SCN11A: variants seen among roughly 807,000 people sequenced by gnomAD.
SCN11A encodes the protein sodium voltage-gated channel alpha subunit 11, also known as sodium channel protein type 11 subunit alpha.
Under a neutral mutation model 162.2 loss-of-function variants are expected in SCN11A, and 122 were observed. The observed-to-expected ratio is 0.75, with a 90% CI of 0.65 to 0.87. The LOEUF (loss-of-function observed/expected upper bound fraction) is 0.87, where lower values mean the gene tolerates loss of function less well. Among genes scored for constraint, SCN11A ranks in the 40% least tolerant of loss-of-function variants. The pLI, the probability that SCN11A is intolerant of heterozygous loss-of-function variation, is 0.00. For synonymous variants in SCN11A, 758 were observed against 751.5 expected, an observed-to-expected ratio of 1.01 and a Z score of -0.14; for missense variants, 2,015 against 2,181.6, an observed-to-expected ratio of 0.92 and a Z score of 1.52.
At chr3:38,953,327 T>C (rs2066643863) in intron 4 of SCN11A, among the ~76,000 whole-genome samples, 1 of 151,856 alleles carries the variant, frequency 6.6e-6, no homozygotes, top group Non-Finnish European at 1.5e-5. Flanking sequence ...AATACCTGGG[T>C]GACGAAATAA....
At chr3:38,953,969 A>G (rs1482278039) in intron 3 of SCN11A, among the ~76,000 whole-genome samples, 1 of 151,898 alleles carries the variant, frequency 6.6e-6, no homozygotes, top group Non-Finnish European at 1.5e-5. Flanking sequence ...AGAACCAGAC[A>G]CTCTTTCTTC....
chr3:39,045,468 G>A (rs1394006832), intron 1 of SCN11A, among the ~76,000 whole-genome samples: 2 of 152,170 alleles, frequency 1.3e-5, no homozygotes, highest in Non-Finnish European at 2.9e-5. Context: ...TTATTTCAGG[G>A]ATGCAAGGAT....
Position 38,894,955 on chromosome 3 carries a change from G to C in SCN11A, c.2413C>G (p.Leu805Val). 6.2e-7 allele frequency: 1 copy of C among 1,601,720 alleles called. No homozygotes were observed. Among genetic ancestry groups the C allele is most frequent in the Non-Finnish European group, 8.5e-7 (1 of 1,171,674 alleles). ...GAATTGAGCAGTAAGGCAATGAAGAGGTTGAGCACCTGGGAATGGGGTGGG... is the reference window on the plus strand; with the variant it reads ...GAATTGAGCAGTAAGGCAATGAAGACGTTGAGCACCTGGGAATGGGGTGGG... ...TVIGKLVVLN[L>V]FIALLLNSFS... The change falls in exon 19 of 30, where the codon CTC becomes GTC. Residue 805 changes from leucine to valine, a missense_variant. Coordinates refer to ENST00000302328, the MANE Select transcript of SCN11A (RefSeq NM_001349253.2).
chr3:38,958,748 C>T (rs1406373190), intron 3 of SCN11A, among the ~76,000 whole-genome samples: 1 of 152,136 alleles, frequency 6.6e-6, no homozygotes, highest in African/African-American at 2.4e-5. Context: ...ATAACAAGAA[C>T]ATTTTCATAA....
chr3:39,033,881 T>C (rs1185001001), intron 1 of SCN11A, among the ~76,000 whole-genome samples: 1 of 152,082 alleles, frequency 6.6e-6, no homozygotes, highest in Non-Finnish European at 1.5e-5. Flanking sequence ...ATTAAAAGTA[T>C]AGGATGGGCA....
intron 2 of SCN11A, among the ~76,000 whole-genome samples, chr3:39,012,933 C>T (rs553619262): frequency 3.9e-4 from 60 of 152,326 alleles, no homozygotes; most frequent in Non-Finnish European, 6.2e-4. Flanking sequence ...AATGATTATG[C>T]TCATCTTTGA....
At chr3:38,917,728 C>A (rs910882842) in intron 11 of SCN11A, among the ~76,000 whole-genome samples, 2 of 152,154 alleles carry the variant, frequency 1.3e-5, no homozygotes, top group East Asian at 3.9e-4. Flanking sequence ...AGATTTAATA[C>A]CTGGGTGATG....
intron 17 of SCN11A, among the ~76,000 whole-genome samples, chr3:38,899,267 T>C (rs546532578): frequency 6.6e-6 from 1 of 152,306 alleles, no homozygotes; most frequent in Admixed American, 6.5e-5. Flanking sequence ...GTATCACTCC[T>C]GTGCTGCAAC....
chr3:39,001,984 C>G (rs1319273997), intron 2 of SCN11A, among the ~76,000 whole-genome samples: 1 of 152,046 alleles, frequency 6.6e-6, no homozygotes, highest in Non-Finnish European at 1.5e-5. Flanking sequence ...TTGCAGTGAG[C>G]CTAGATGACG....
chr3:38,934,290 T>C (rs911698951), intron 7 of SCN11A, among the ~76,000 whole-genome samples: 21 of 152,300 alleles, frequency 1.4e-4, no homozygotes, highest in Admixed American at 6.5e-4. Flanking sequence ...GTAAAGACCA[T>C]TGAGGCTAGG....
chr3:38,949,272 T>C (rs997228144), intron 5 of SCN11A, among the ~76,000 whole-genome samples: 1 of 152,230 alleles, frequency 6.6e-6, no homozygotes, highest in African/African-American at 2.4e-5. Context: ...AAGGGCCAAG[T>C]GTGCTCACAG....
At chr3:39,046,429 G>C (rs1037072776) in intron 1 of SCN11A, among the ~76,000 whole-genome samples, 2 of 152,112 alleles carry the variant, frequency 1.3e-5, no homozygotes, top group African/African-American at 2.4e-5. Flanking sequence ...TTGTTAAAAT[G>C]ACCAAACTAC....
chr3:39,011,735 A>G (rs1219958162), intron 2 of SCN11A, among the ~76,000 whole-genome samples: 3 of 152,176 alleles, frequency 2.0e-5, no homozygotes, highest in Admixed American at 6.5e-5. Flanking sequence ...AGATTTTCCT[A>G]TATTTCCAAG....
chr3:39,025,659 G>A (rs989030852), intron 2 of SCN11A, among the ~76,000 whole-genome samples: 1 of 152,170 alleles, frequency 6.6e-6, no homozygotes, highest in African/African-American at 2.4e-5. Context: ...GAGCAGTGAG[G>A]ACAACCAGAG....
intron 1 of SCN11A, among the ~76,000 whole-genome samples, chr3:39,047,985 A>C (rs2032226210): frequency 6.7e-6 from 1 of 149,892 alleles, no homozygotes; most frequent in Admixed American, 6.6e-5. Flanking sequence ...AAGAACTAAA[A>C]CTACAACTAC....
At chr3:38,950,702 G>T (rs886786254) in intron 4 of SCN11A, 1 of 288,198 alleles carries the variant, frequency 3.5e-6, no homozygotes, top group Non-Finnish European at 6.6e-6. Context: ...AGACAATAAG[G>T]CTGAGCCGGC....
At chr3:39,036,494 T>C (rs1313854542) in intron 1 of SCN11A, among the ~76,000 whole-genome samples, 8 of 151,946 alleles carry the variant, frequency 5.3e-5, no homozygotes, top group South Asian at 2.1e-4. Context: ...TCAAAGAAAA[T>C]GGATAAGTGG....
intron 2 of SCN11A, among the ~76,000 whole-genome samples, chr3:38,974,715 A>G (rs2066838330): frequency 7.0e-6 from 1 of 142,514 alleles, no homozygotes; most frequent in African/African-American, 2.6e-5. Flanking sequence ...AAAAAAAAAG[A>G]AAAGAAAAGA....
intron 1 of SCN11A, among the ~76,000 whole-genome samples, chr3:39,032,894 AC>A (rs2031797231): frequency 6.6e-6 from 1 of 152,180 alleles, no homozygotes; most frequent in Admixed American, 6.5e-5. Flanking sequence ...GCTCATGCCT[AC>A]AATCCCAACA....
Sources: allele counts gnomAD v4.1 joint callset (sites outside exome capture counted in the v4.1 genomes callset), GRCh38; gene constraint gnomAD v4.1.1; transcripts MANE v1.5; gene names NCBI Gene and HGNC (gene_info 2026-07-23, HGNC 2026-07-21).